The following TASOR variants were observed in gnomAD, a reference collection of about 807,000 sequenced individuals.
The protein encoded by TASOR is transcription activation suppressor.
Under a neutral mutation model 178.6 loss-of-function variants are expected in TASOR, and 53 were observed. That is an observed-to-expected ratio of 0.30 (90% CI 0.24 to 0.37). The LOEUF (loss-of-function observed/expected upper bound fraction) is 0.37, where lower values mean the gene tolerates loss of function less well. Ranked by LOEUF, TASOR falls within the 10% of genes least tolerant of loss-of-function variation. The probability of loss-of-function intolerance (pLI) is 1.00; values close to 1 mark genes in which losing one functional copy is unlikely to be tolerated. For missense variants in TASOR, 1,815 were observed against 1,971.4 expected, an observed-to-expected ratio of 0.92 and a Z score of 1.50; for synonymous variants, 713 against 696.2, an observed-to-expected ratio of 1.02 and a Z score of -0.38.
intron 13 of TASOR, 27 bp downstream of exon 13, chr3:56,648,795 C>T (rs780346289): frequency 6.6e-7 from 1 of 1,513,708 alleles, no homozygotes; most frequent in South Asian, 1.2e-5. Context: ...CTATAAGTAA[C>T]CAGATTTAGA....
intron 19 of TASOR, among the ~76,000 whole-genome samples, chr3:56,628,115 T>G (rs2076836651): frequency 6.6e-6 from 1 of 152,192 alleles, no homozygotes; most frequent in Non-Finnish European, 1.5e-5. Context: ...ATAGGGCTCC[T>G]AAGACTAGAT....
intron 11 of TASOR, among the ~76,000 whole-genome samples, chr3:56,649,707 C>T (rs192381498): frequency 1.6e-3 from 250 of 152,136 alleles, no homozygotes; most frequent in Middle Eastern, 3.4e-3. Context: ...AGTTTGTTTA[C>T]GGTAGTAAAA....
intron 1 of TASOR, among the ~76,000 whole-genome samples, chr3:56,676,434 CATCTT>C (rs1262206445): frequency 1.3e-5 from 2 of 152,112 alleles, no homozygotes; most frequent in Non-Finnish European, 2.9e-5. Context: ...AGGACAAAAA[CATCTT>C]ATCTTTGTGA....
chr3:56,639,600 G>A (rs773567549), intron 16 of TASOR, among the ~76,000 whole-genome samples: 1 of 152,132 alleles, frequency 6.6e-6, no homozygotes, highest in Non-Finnish European at 1.5e-5. Context: ...AGCTTGTTAC[G>A]GTGAAGTTTA....
chr3:56,648,950 G>C, intron 12 of TASOR, 35 bp downstream of exon 12: 1 of 1,596,096 alleles, frequency 6.3e-7, no homozygotes, highest in Non-Finnish European at 8.5e-7. Flanking sequence ...AGTTAAGAAA[G>C]AATTGTAAAA....
chr3:56,622,927 TA>T lies in TASOR; in HGVS notation c.*109del. The stretch of plus-strand genomic sequence containing the variant: ...CTGTTACAGGCCATCATGATTTAAA[TA>T]AAAGAAAAAACATTTGAGAAAGAAC... On this transcript the variant is annotated 3_prime_UTR_variant, in exon 24 of 24. Coordinates refer to ENST00000683822, the MANE Select transcript of TASOR (RefSeq NM_001365635.2). 2 of 677,930 alleles carry T rather than the reference TA, an allele frequency of 3.0e-6. No homozygotes were observed. Among genetic ancestry groups the T allele is most frequent in the Non-Finnish European group, 4.6e-6 (2 of 433,230 alleles). 42.0% of individuals were successfully genotyped at this position (677,930 alleles called of 1,614,324 possible).
chr3:56,668,908 G>A (rs2030356016), intron 5 of TASOR, among the ~76,000 whole-genome samples: 2 of 152,156 alleles, frequency 1.3e-5, no homozygotes, highest in African/African-American at 4.8e-5. Context: ...GGGAGGCGGA[G>A]GTTGCAGTGA....
At chr3:56,673,897 A>C (rs538358939) in intron 1 of TASOR, among the ~76,000 whole-genome samples, 172 bp from the exon 2 acceptor site, 1 of 152,188 alleles carries the variant, frequency 6.6e-6, no homozygotes, top group Non-Finnish European at 1.5e-5. Context: ...AAAAAAATGT[A>C]AAACTAGTTG....
chr3:56,642,417 C>T (rs1426136525), intron 14 of TASOR, among the ~76,000 whole-genome samples: 2 of 152,114 alleles, frequency 1.3e-5, no homozygotes, highest in Non-Finnish European at 2.9e-5. Flanking sequence ...TATTTTAAAA[C>T]TTGTAAAGGG....
At chr3:56,650,758 T>C (rs2077335618) in intron 11 of TASOR, among the ~76,000 whole-genome samples, 2 of 152,166 alleles carry the variant, frequency 1.3e-5, no homozygotes, top group South Asian at 4.1e-4. Flanking sequence ...TGACATATAG[T>C]ATTGGCCCTG....
intron 5 of TASOR, among the ~76,000 whole-genome samples, 157 bp downstream of exon 5, chr3:56,669,543 A>C (rs1479475431): frequency 2.0e-5 from 3 of 152,150 alleles, no homozygotes; most frequent in Non-Finnish European, 2.9e-5. Context: ...CACACACAAA[A>C]AAAGATGGCA....
At chr3:56,631,680 T>A (rs2076918505) in intron 18 of TASOR, among the ~76,000 whole-genome samples, 2 of 151,130 alleles carry the variant, frequency 1.3e-5, no homozygotes, top group African/African-American at 4.9e-5. Flanking sequence ...GCCTCCCGGA[T>A]TCACCCCATT....
At chr3:56,654,895 T>C (rs2077437326) in intron 11 of TASOR, among the ~76,000 whole-genome samples, 1 of 152,202 alleles carries the variant, frequency 6.6e-6, no homozygotes, top group Non-Finnish European at 1.5e-5. Flanking sequence ...TTGGCTCTCC[T>C]GGGTCTCCAG....
rs1163006334 is a variant in TASOR, at chr3:56,633,837, A to G, written c.2954T>C (p.Leu985Pro). 2 of 1,613,890 alleles carry G rather than the reference A, an allele frequency of 1.2e-6. No homozygotes were observed. The highest frequency in any genetic ancestry group is 1.7e-6 in the Non-Finnish European group (2 of 1,179,962). Residue 985 changes from leucine to proline, a missense_variant, in exon 18 of 24, where the codon CTA (leucine) becomes CCA (proline). Around this residue, in one of 5 missense-constraint regions of TASOR, gnomAD observed 655 missense variants for 671.1 expected, o/e 0.98. Transcript: ENST00000683822. Reference sequence around the variant, plus strand: ...CACGTCATCCTCAGTGGTGCCCTTTAGTGTGTCTGTAAATGGAGAGGATGG... The same window carrying G: ...CACGTCATCCTCAGTGGTGCCCTTTGGTGTGTCTGTAAATGGAGAGGATGG... ...QFPSSPFTDT[L>P]KGTTEDDVLT... is the part of the protein sequence containing the mutation.
chr3:56,660,099 GA>G (rs2077559900), intron 11 of TASOR, among the ~76,000 whole-genome samples: 1 of 151,896 alleles, frequency 6.6e-6, no homozygotes, highest in African/African-American at 2.4e-5. Flanking sequence ...CTGATCTTAT[GA>G]TCTGCCTGCC....
intron 2 of TASOR, among the ~76,000 whole-genome samples, chr3:56,672,879 T>C (rs886444013): frequency 6.6e-6 from 1 of 152,210 alleles, no homozygotes; most frequent in South Asian, 2.1e-4. Context: ...CAGGCTTGAG[T>C]GCAGTGGCGC....
chr3:56,638,177 A>C (rs755383838), intron 17 of TASOR, among the ~76,000 whole-genome samples: 69 of 152,022 alleles, frequency 4.5e-4, no homozygotes, highest in Non-Finnish European at 8.5e-4. Flanking sequence ...CCAGCCTGGC[A>C]AACATGGTGA....
At position 56,620,457 on chromosome 3, in the gene TASOR, A is replaced by C. The variant is rs991120602; in HGVS notation, c.*2580T>G. The stretch of plus-strand genomic sequence containing the variant: ...TTTGCTCCATCCCTTGGGCTTTAAA[A>C]AGAATGGCTGTAGTTAGTTTTGATT... On this transcript the variant is annotated 3_prime_UTR_variant, in exon 24 of 24. Transcript: ENST00000683822. The C allele has an allele frequency of 6.6e-6, 1 of 152,448 alleles. No homozygotes were observed. Among genetic ancestry groups the C allele is most frequent in the Non-Finnish European group, 1.5e-5 (1 of 68,204 alleles). The allele number at this position is 152,448 out of a possible 1,614,324, so 9.4% of individuals were successfully genotyped here. A position where few individuals can be genotyped will look rare whatever the true frequency, so the allele number is the denominator to read the frequency against.
chr3:56,669,428 G>C (rs1212359518), intron 5 of TASOR, among the ~76,000 whole-genome samples: 1 of 152,066 alleles, frequency 6.6e-6, no homozygotes. Context: ...GCATGAACTC[G>C]GGAGGCGGAG....
Sources: allele counts gnomAD v4.1 joint callset (sites outside exome capture counted in the v4.1 genomes callset), GRCh38; gene constraint gnomAD v4.1.1; regional missense constraint gnomAD v4.1.1; transcripts MANE v1.5; gene names NCBI Gene and HGNC (gene_info 2026-07-23, HGNC 2026-07-21).